CARMIL1: variants seen among roughly 807,000 people sequenced by gnomAD.
The protein encoded by CARMIL1 is F-actin-uncapping protein LRRC16A.
CARMIL1 carries 90 observed loss-of-function variants against 177.1 expected under a neutral mutation model. That is an observed-to-expected ratio of 0.51 (90% CI 0.43 to 0.61). The LOEUF (loss-of-function observed/expected upper bound fraction) is 0.61. Ranked by LOEUF, CARMIL1 falls within the 20% of genes least tolerant of loss-of-function variation. The pLI is 0.00. For synonymous variants in CARMIL1, 577 were observed against 606.2 expected (o/e 0.95, Z 0.71); for missense variants, 1,380 against 1,667.0 (o/e 0.83, Z 3.00).
chr6:25,365,773 A>C (rs769073468), intron 2 of CARMIL1, among the ~76,000 whole-genome samples: 1 of 151,946 alleles, frequency 6.6e-6, no homozygotes, highest in African/African-American at 2.4e-5. Flanking sequence ...ATGGCCTCGA[A>C]CTCTTGAGTT....
chr6:25,611,401 A>G (rs1472278105), intron 36 of CARMIL1, among the ~76,000 whole-genome samples: 1 of 152,242 alleles, frequency 6.6e-6, no homozygotes, highest in Non-Finnish European at 1.5e-5. Flanking sequence ...GACTTGGTGT[A>G]AAAGGAAGGA....
At chr6:25,494,564 AGTTG>A (rs750869217) in intron 15 of CARMIL1, among the ~76,000 whole-genome samples, 2 of 152,224 alleles carry the variant, frequency 1.3e-5, no homozygotes, top group South Asian at 2.1e-4. Flanking sequence ...CTGTTCTAAT[AGTTG>A]GCCTGAAATG....
intron 2 of CARMIL1, among the ~76,000 whole-genome samples, chr6:25,308,694 C>T: frequency 6.7e-6 from 1 of 148,714 alleles, no homozygotes; most frequent in East Asian, 2.0e-4. Flanking sequence ...TTTTTTTTAA[C>T]AGTGAAACAG....
intron 29 of CARMIL1, among the ~76,000 whole-genome samples, chr6:25,572,745 G>T (rs1186500695): frequency 1.4e-5 from 2 of 144,172 alleles, no homozygotes; most frequent in African/African-American, 2.5e-5. Context: ...ATCAGTACAT[G>T]AATCACTAGG....
In CARMIL1 at chr6:25,413,393, G is replaced by A. The variant is rs371160511; in HGVS notation, c.139-6721G>A. ...GTGGATTTAGAGAGCATGAATTTATGGATTGCCTGTGCTGCAGTAGGCTTT... is the reference window on the plus strand; with the variant it reads ...GTGGATTTAGAGAGCATGAATTTATAGATTGCCTGTGCTGCAGTAGGCTTT... On this transcript the variant is annotated intron_variant, in intron 2 of 36. Coordinates refer to ENST00000329474, the MANE Select transcript of CARMIL1 (RefSeq NM_017640.6). Among the ~76,000 whole-genome samples, 112 of 152,304 alleles carry A rather than the reference G, an allele frequency of 7.4e-4. 3 individuals carry two copies. In the South Asian group the frequency reaches 0.022, roughly 30 times the overall value.
intron 18 of CARMIL1, 50 bp from the exon 19 acceptor site, chr6:25,510,457 T>G (rs1462965613): frequency 8.9e-7 from 1 of 1,123,310 alleles, no homozygotes; most frequent in African/African-American, 1.6e-5. Context: ...AGCTGAAAAT[T>G]AATTTATACA....
At chr6:25,307,879 T>C (rs1783400563) in intron 2 of CARMIL1, among the ~76,000 whole-genome samples, 1 of 140,740 alleles carries the variant, frequency 7.1e-6, no homozygotes, top group Admixed American at 7.4e-5. Flanking sequence ...TTTTGGTTAT[T>C]GGTTTTGCTT....
chr6:25,280,758 G>A (rs1455568918), intron 1 of CARMIL1, among the ~76,000 whole-genome samples: 1 of 152,050 alleles, frequency 6.6e-6, no homozygotes. Flanking sequence ...CAAGGTATGT[G>A]CGTCTGTGTA....
At chr6:25,555,407 A>G (rs886851689) in intron 28 of CARMIL1, among the ~76,000 whole-genome samples, 1 of 151,880 alleles carries the variant, frequency 6.6e-6, no homozygotes, top group African/African-American at 2.4e-5. Flanking sequence ...TCATTCATTC[A>G]TTCATTCATT....
intron 1 of CARMIL1, among the ~76,000 whole-genome samples, chr6:25,281,873 G>T (rs2150121010): frequency 6.6e-6 from 1 of 152,234 alleles, no homozygotes; most frequent in Non-Finnish European, 1.5e-5. Flanking sequence ...CTAGCACTTT[G>T]GGAGGCCGAG....
intron 2 of CARMIL1, among the ~76,000 whole-genome samples, chr6:25,402,792 A>C (rs1025962133): frequency 1.3e-5 from 2 of 152,220 alleles, no homozygotes; most frequent in Admixed American, 1.3e-4. Context: ...AGAGAACACT[A>C]TTCTAGGGGA....
At position 25,337,053 on chromosome 6, in the gene CARMIL1, G is replaced by T. The variant is rs916381575; in HGVS notation, c.138+52144G>T. On this transcript the variant is annotated intron_variant, in intron 2 of 36. Transcript: ENST00000329474. ...AAACTATATGCCTGCTTGAATAAGT[G>T]CAGTACTTATTTGTCAGGGCATATA... is the stretch of plus-strand genomic sequence containing the variant. Among the ~76,000 whole-genome samples the T allele has an allele frequency of 2.0e-5, 3 of 152,290 alleles. No individual in the cohort carries two copies. The East Asian group carries it at 5.8e-4, about 29-fold the overall frequency.
chr6:25,326,147 C>T lies in CARMIL1; in HGVS notation c.138+41238C>T, dbSNP rs146122108. Among the ~76,000 whole-genome samples, 715 of 152,260 alleles carry T rather than the reference C, an allele frequency of 4.7e-3. 8 individuals carry two copies. The highest frequency in any genetic ancestry group is 0.015 in the African/African-American group (623 of 41,528). ...CCTCCCAAAATGCTGGGATTACAGGCGTGAGCCACTGCGCTCGGCCTAGAT... is the reference window on the plus strand; with the variant it reads ...CCTCCCAAAATGCTGGGATTACAGGTGTGAGCCACTGCGCTCGGCCTAGAT... On this transcript the variant is annotated intron_variant, in intron 2 of 36. Transcript: ENST00000329474. The surrounding 1 kb of genome is among the most constrained non-coding windows in gnomAD (Gnocchi z 4.2).
chr6:25,328,359 G>GT (rs141077445), intron 2 of CARMIL1, among the ~76,000 whole-genome samples: 24,820 of 152,146 alleles, frequency 0.16, 2,365 homozygotes, highest in East Asian at 0.3. Flanking sequence ...TACATGCTCA[G>GT]TGTAGGGCTT....
intron 15 of CARMIL1, among the ~76,000 whole-genome samples, chr6:25,494,407 A>T (rs1402804872): frequency 6.6e-6 from 1 of 152,196 alleles, no homozygotes; most frequent in Non-Finnish European, 1.5e-5. Flanking sequence ...TGGACTCCTG[A>T]ATCCTGTTTT....
chr6:25,517,676 C>T (rs939016369), intron 22 of CARMIL1, among the ~76,000 whole-genome samples: 1 of 152,106 alleles, frequency 6.6e-6, no homozygotes, highest in Non-Finnish European at 1.5e-5. Context: ...AATGAGATCG[C>T]GGGAAAGGGG....
chr6:25,541,855 T>C (rs1808941635), intron 26 of CARMIL1, among the ~76,000 whole-genome samples: 1 of 152,174 alleles, frequency 6.6e-6, no homozygotes, highest in Non-Finnish European at 1.5e-5. Context: ...GGTTTCACCA[T>C]ATTGGCCAGG....
At chr6:25,321,622 TTTTAA>T (rs1400910353) in intron 2 of CARMIL1, among the ~76,000 whole-genome samples, 3 of 152,168 alleles carry the variant, frequency 2.0e-5, no homozygotes, top group Non-Finnish European at 2.9e-5. Context: ...CCTTTCATTC[TTTTAA>T]TTAATTTTAT....
chr6:25,311,548 A>G (rs529326757), intron 2 of CARMIL1, among the ~76,000 whole-genome samples: 48 of 152,312 alleles, frequency 3.2e-4, no homozygotes, highest in African/African-American at 1.1e-3. Context: ...AGCGGGGGAA[A>G]AAAAGAGCAT....
Sources: gnomAD v4.1 joint callset for allele counts (sites outside exome capture counted in the v4.1 genomes callset) on GRCh38, gnomAD v4.1.1 for gene constraint, Gnocchi (gnomAD v3.1) non-coding constraint, MANE v1.5 for transcripts, NCBI Gene and HGNC (gene_info 2026-07-23, HGNC 2026-07-21) for gene names.